Variants in CCDC126 observed in about 807,000 individuals in gnomAD.
CCDC126 encodes coiled-coil domain-containing protein 126.
In CCDC126, 5 loss-of-function variants were observed where a neutral mutation model predicts 11.7. The ratio of observed to expected loss-of-function variants is 0.43; its 90% CI spans 0.22 to 0.90. CCDC126 has a LOEUF of 0.90. Among genes scored for constraint, CCDC126 ranks in the 40% least tolerant of loss-of-function variants. CCDC126 has a pLI of 0.27. For synonymous variants in CCDC126, 60 were observed against 61.9 expected (o/e 0.97, Z 0.14); for missense variants, 150 against 163.1 (o/e 0.92, Z 0.44).
At chr7:23,599,933 C>T (rs559663396) in intron 2 of CCDC126, among the ~76,000 whole-genome samples, 4 of 151,786 alleles carry the variant, frequency 2.6e-5, no homozygotes, top group South Asian at 4.2e-4. Context: ...TACAGGCATG[C>T]ACCACCATGC....
Position 23,617,444 on chromosome 7 carries a change from T to G in CCDC126, c.238+5891T>G, listed in dbSNP as rs187040589. On this transcript the variant is annotated intron_variant, in intron 3 of 3. Transcript: ENST00000307471. Reference sequence around the variant, plus strand: ...TCAATGGTAGCTTTTCTGAAGCGTTTTTATGTTTCTTCCAAATATATCTGG... The same window carrying G: ...TCAATGGTAGCTTTTCTGAAGCGTTGTTATGTTTCTTCCAAATATATCTGG... Among the ~76,000 whole-genome samples the G allele has an allele frequency of 2.7e-3, 418 of 152,218 alleles. 1 individual carries two copies. The highest frequency in any genetic ancestry group is 5.0e-3 in the Non-Finnish European group (340 of 68,010).
rs1448139945 is a variant in CCDC126 at position 23,642,941 on chromosome 7, A to G, written c.249A>G (p.Lys83=). Residue 83 remains lysine (K), a synonymous_variant, in exon 4 of 4, where the codon AAA becomes AAG. Coordinates refer to ENST00000307471, the MANE Select transcript of CCDC126 (RefSeq NM_138771.4). ...GASMAGYADL[K]RTIAVLLDDI... ...GATTTATTCCCCTAGCGGATCTGAA[A>G]AGAACAATTGCTGTCCTTCTGGATG... 6.2e-7 allele frequency: 1 copy of G among 1,613,874 alleles called. No homozygotes were observed. Among genetic ancestry groups the G allele is most frequent in the South Asian group, 1.1e-5 (1 of 91,072 alleles).
chr7:23,644,110 T>G lies in CCDC126; in HGVS notation c.*995T>G, dbSNP rs1001120919. 2 of 152,042 alleles carry G rather than the reference T, an allele frequency of 1.3e-5. No individual in the cohort carries two copies. Among genetic ancestry groups the G allele is most frequent in the Admixed American group, 1.3e-4 (2 of 15,270 alleles). 9.4% of individuals were successfully genotyped at this position (152,042 alleles called of 1,614,324 possible). A position where few individuals can be genotyped will look rare whatever the true frequency, so the allele number is the denominator to read the frequency against. On this transcript the variant is annotated 3_prime_UTR_variant, in exon 4 of 4. Coordinates refer to ENST00000307471, the MANE Select transcript of CCDC126 (RefSeq NM_138771.4). The stretch of plus-strand genomic sequence containing the variant: ...TAAATTGCTTGGAAAATGTTAACAT[T>G]ATATTATATAAGAGTATCCTTTATG...
intron 3 of CCDC126, among the ~76,000 whole-genome samples, chr7:23,633,055 C>T (rs957827294): frequency 9.2e-5 from 14 of 152,130 alleles, no homozygotes; most frequent in African/African-American, 3.1e-4. Flanking sequence ...TGCAATGGCG[C>T]GATCTCGGCT....
intron 2 of CCDC126, among the ~76,000 whole-genome samples, chr7:23,603,699 A>G (rs1384283572): frequency 6.6e-6 from 1 of 152,164 alleles, no homozygotes; most frequent in Non-Finnish European, 1.5e-5. Flanking sequence ...TTACCCCCAA[A>G]TTTCTATCCT....
At chr7:23,625,649 A>ATTTTTTTTTTT (rs34492140) in intron 3 of CCDC126, among the ~76,000 whole-genome samples, 2 of 77,142 alleles carry the variant, frequency 2.6e-5, no homozygotes, top group African/African-American at 1.1e-4. Flanking sequence ...TATTTGACTG[A>ATTTTTTTTTTT]TTTTTTTTTT....
In CCDC126 at chr7:23,611,526, G is replaced by A; in HGVS notation, c.211G>A (p.Glu71Lys). 1.9e-6 allele frequency: 3 copies of A among 1,611,972 alleles called. No homozygotes were observed. In the South Asian group the frequency reaches 3.3e-5, roughly 18 times the overall value. ...GGAAAATAAGAACACAGTGGATGTC[G>A]AGAACGGTGCTTCTATGGCAGGATA... ...AEENKNTVDVENGASMAGYAD... is the reference protein window; with the variant it reads ...AEENKNTVDVKNGASMAGYAD... The change falls in exon 3 of 4, where the codon GAG (glutamate) becomes AAG (lysine). Residue 71 changes from glutamate (E) to lysine (K), a missense_variant. Physicochemically the swap from Glu to Lys is moderately conservative, Grantham distance 56. Coordinates refer to ENST00000307471, the MANE Select transcript of CCDC126 (RefSeq NM_138771.4).
rs796807156 is a variant in CCDC126, at chr7:23,617,134, C to T, written c.238+5581C>T. Among the ~76,000 whole-genome samples, 7 of 151,564 alleles carry T rather than the reference C, an allele frequency of 4.6e-5. No individual in the cohort carries two copies. In the South Asian group the frequency reaches 6.2e-4, roughly 13 times the overall value. On this transcript the variant is annotated intron_variant, in intron 3 of 3. Transcript: ENST00000307471. Reference sequence around the variant, plus strand: ...GAGGCTGGGCAGGTGGGTCACTTGACGTTAGGAGTTCGAGACCAGCCTGGC... The same window carrying T: ...GAGGCTGGGCAGGTGGGTCACTTGATGTTAGGAGTTCGAGACCAGCCTGGC...
chr7:23,606,621 T>G (rs1171386257), intron 2 of CCDC126, among the ~76,000 whole-genome samples: 2 of 152,158 alleles, frequency 1.3e-5, no homozygotes, highest in Admixed American at 6.5e-5. Flanking sequence ...TCATTTTAAG[T>G]GTGTCCCCTC....
intron 3 of CCDC126, among the ~76,000 whole-genome samples, chr7:23,628,272 G>C (rs997182535): frequency 1.3e-5 from 2 of 151,804 alleles, no homozygotes; most frequent in Non-Finnish European, 2.9e-5. Context: ...AGGAGAAAAA[G>C]TCAGACAGTC....
intron 3 of CCDC126, among the ~76,000 whole-genome samples, chr7:23,613,861 A>G (rs1309062612): frequency 6.6e-6 from 1 of 152,220 alleles, no homozygotes; most frequent in Non-Finnish European, 1.5e-5. Flanking sequence ...CTATACTGTA[A>G]TCTCTTAAGT....
intron 3 of CCDC126, among the ~76,000 whole-genome samples, chr7:23,620,596 G>A (rs1336478239): frequency 6.6e-6 from 1 of 151,444 alleles, no homozygotes; most frequent in Non-Finnish European, 1.5e-5. Context: ...GATCCCATTT[G>A]TCAATTTTGG....
intron 2 of CCDC126, among the ~76,000 whole-genome samples, chr7:23,607,089 G>C (rs1782636621): frequency 6.6e-6 from 1 of 152,154 alleles, no homozygotes; most frequent in African/African-American, 2.4e-5. Context: ...AACAGAGCGA[G>C]ACCCTGTCTC....
At chr7:23,637,655 T>G (rs1354008853) in intron 3 of CCDC126, among the ~76,000 whole-genome samples, 1 of 2,070 alleles carries the variant, frequency 4.8e-4, no homozygotes, top group African/African-American at 6.0e-3. Flanking sequence ...GGGAGGGAGG[T>G]GGGGGGGTCA....
chr7:23,603,060 C>T (rs539750067), intron 2 of CCDC126, among the ~76,000 whole-genome samples: 1 of 152,238 alleles, frequency 6.6e-6, no homozygotes, highest in Non-Finnish European at 1.5e-5. Context: ...TGAGCCTAGG[C>T]CTTTATGCAC....
At chr7:23,601,542 C>T (rs1400257573) in intron 2 of CCDC126, among the ~76,000 whole-genome samples, 2 of 152,088 alleles carry the variant, frequency 1.3e-5, no homozygotes, top group African/African-American at 2.4e-5. Context: ...TGATTTTGTT[C>T]CCTGCTTTTG....
At chr7:23,604,832 T>TA (rs1439830517) in intron 2 of CCDC126, among the ~76,000 whole-genome samples, 1 of 151,486 alleles carries the variant, frequency 6.6e-6, no homozygotes, top group African/African-American at 2.4e-5. Context: ...CCGTCTCTAC[T>TA]AAAAAAATAC....
At chr7:23,621,144 C>A (rs1194412970) in intron 3 of CCDC126, among the ~76,000 whole-genome samples, 1 of 152,228 alleles carries the variant, frequency 6.6e-6, no homozygotes, top group Non-Finnish European at 1.5e-5. Context: ...ATGGGGATGG[C>A]ATTCAATCTA....
intron 2 of CCDC126, among the ~76,000 whole-genome samples, chr7:23,599,209 A>G (rs771769417): frequency 6.6e-6 from 1 of 152,188 alleles, no homozygotes; most frequent in African/African-American, 2.4e-5. Context: ...TCTTTTGCTC[A>G]TAGCCCCTAT....
Sources: gnomAD v4.1 joint callset for allele counts (sites outside exome capture counted in the v4.1 genomes callset) on GRCh38, gnomAD v4.1.1 for gene constraint, MANE v1.5 for transcripts, NCBI Gene and HGNC (gene_info 2026-07-23, HGNC 2026-07-21) for gene names.